Variants in MUSK observed in about 807,000 individuals in gnomAD.
MUSK encodes muscle, skeletal receptor tyrosine-protein kinase.
In MUSK, 55 loss-of-function variants were observed where a neutral mutation model predicts 88.7. The observed-to-expected ratio is 0.62, with a 90% CI of 0.50 to 0.78. The LOEUF (loss-of-function observed/expected upper bound fraction) is 0.78. Ranked by LOEUF, MUSK falls within the 30% of genes least tolerant of loss-of-function variation. The probability of loss-of-function intolerance (pLI) is 0.00; values close to 1 mark genes in which losing one functional copy is unlikely to be tolerated. For missense variants in MUSK, 1,015 were observed against 1,074.3 expected (o/e 0.94, Z 0.77); for synonymous variants, 387 against 391.9 (o/e 0.99, Z 0.15).
chr9:110,752,727 T>C (rs777156597), intron 7 of MUSK, among the ~76,000 whole-genome samples: 2 of 152,256 alleles, frequency 1.3e-5, no homozygotes, highest in Non-Finnish European at 2.9e-5. Context: ...TGCTTAGGAT[T>C]ATGTCTAATG....
intron 8 of MUSK, 49 bp downstream of exon 8, chr9:110,762,257 G>A (rs761800668): frequency 3.7e-6 from 5 of 1,353,442 alleles, no homozygotes; most frequent in Admixed American, 4.9e-5. Context: ...TGTTTTGTAG[G>A]GATTTCGTTT....
intron 11 of MUSK, among the ~76,000 whole-genome samples, chr9:110,780,399 G>C (rs771514254): frequency 7.2e-5 from 11 of 152,110 alleles, no homozygotes; most frequent in Non-Finnish European, 1.5e-4. Context: ...TCTCTTTGCA[G>C]AGTGATTCTC....
At chr9:110,789,065 T>C (rs537145245) in intron 14 of MUSK, among the ~76,000 whole-genome samples, 20 of 152,314 alleles carry the variant, frequency 1.3e-4, no homozygotes, top group East Asian at 3.9e-4. Flanking sequence ...ATTAAAAACA[T>C]TGGCTTTTAA....
chr9:110,731,683 C>T (rs1370674489), intron 5 of MUSK, among the ~76,000 whole-genome samples: 2 of 152,028 alleles, frequency 1.3e-5, no homozygotes, highest in African/African-American at 4.8e-5. Context: ...CATGAAGCTA[C>T]CTATAATGTC....
At chr9:110,781,377 C>T (rs919055946) in intron 11 of MUSK, among the ~76,000 whole-genome samples, 19 of 152,054 alleles carry the variant, frequency 1.2e-4, no homozygotes, top group Non-Finnish European at 2.4e-4. Flanking sequence ...CCCGGGTTCA[C>T]GCCATCCTCT....
chr9:110,783,595 A>C (rs928013293), intron 11 of MUSK, among the ~76,000 whole-genome samples: 12 of 151,964 alleles, frequency 7.9e-5, no homozygotes, highest in Admixed American at 6.6e-5. Flanking sequence ...AATTCCATTG[A>C]TTAGACTACT....
Position 110,775,952 on chromosome 9 carries a change from T to TGCCA in MUSK, c.1350_1353dup (p.His452AlafsTer6). 1 of 1,612,154 alleles carries TGCCA rather than the reference T, an allele frequency of 6.2e-7. No homozygotes were observed. The highest frequency in any genetic ancestry group is 8.5e-7 in the Non-Finnish European group (1 of 1,178,820). ...TGGGACCCCACGGCCTGTGCCAGACTGCCACATCTAGGTAACACAGAGTTC... is the reference window on the plus strand; with the variant it reads ...TGGGACCCCACGGCCTGTGCCAGACTGCCAGCCACATCTAGGTAACACAGAGTTC... On this transcript the variant is annotated frameshift_variant, in exon 10 of 15. Transcript: ENST00000374448. LOFTEE classifies it high-confidence loss of function.
chr9:110,679,458 GTTTTA>G (rs533220192), intron 1 of MUSK, among the ~76,000 whole-genome samples: 233 of 151,572 alleles, frequency 1.5e-3, no homozygotes, highest in Admixed American at 4.4e-3. Context: ...TAACATTTCT[GTTTTA>G]TTTTATTTAA....
At position 110,783,137 on chromosome 9, in the gene MUSK, T is replaced by G. The variant is rs371053562; in HGVS notation, c.1385-1678T>G. On this transcript the variant is annotated intron_variant, in intron 11 of 14. Coordinates refer to ENST00000374448, the MANE Select transcript of MUSK (RefSeq NM_005592.4). ...GACTTTGTAATATGTTATATTAATA[T>G]GTCCCCTTCTATTAAATCATTATTC... Among the ~76,000 whole-genome samples, 58 of 152,354 alleles carry G rather than the reference T, an allele frequency of 3.8e-4. No individual in the cohort carries two copies. In the East Asian group the frequency reaches 7.9e-3, roughly 21 times the overall value.
At chr9:110,725,744 A>G (rs535278922) in intron 5 of MUSK, among the ~76,000 whole-genome samples, 1 of 152,170 alleles carries the variant, frequency 6.6e-6, no homozygotes, top group African/African-American at 2.4e-5. Context: ...GTTTAATTCT[A>G]GCCCTAACCT....
At chr9:110,720,095 C>T (rs1015737949) in intron 5 of MUSK, among the ~76,000 whole-genome samples, 1 of 151,882 alleles carries the variant, frequency 6.6e-6, no homozygotes, top group Non-Finnish European at 1.5e-5. Flanking sequence ...TGGGATACAG[C>T]AAAAACGGTA....
At chr9:110,698,251 G>C (rs565389576) in intron 5 of MUSK, among the ~76,000 whole-genome samples, 1 of 152,314 alleles carries the variant, frequency 6.6e-6, no homozygotes, top group South Asian at 2.1e-4. Context: ...TTTCTCACCT[G>C]TTAAGTGGGG....
chr9:110,703,713 C>A (rs2076560512), intron 5 of MUSK, among the ~76,000 whole-genome samples: 2 of 151,634 alleles, frequency 1.3e-5, no homozygotes, highest in Non-Finnish European at 2.9e-5. Flanking sequence ...GAATTCAGTG[C>A]AGAAAGATTT....
chr9:110,780,751 T>C (rs1165100911), intron 11 of MUSK, among the ~76,000 whole-genome samples: 1 of 152,188 alleles, frequency 6.6e-6, no homozygotes, highest in Non-Finnish European at 1.5e-5. Context: ...AATTTATTCT[T>C]TCTATCTAGG....
At chr9:110,682,640 G>C in intron 1 of MUSK, 34 bp from the exon 2 acceptor site, 1 of 1,604,628 alleles carries the variant, frequency 6.2e-7, no homozygotes. Context: ...CAAAATTCTA[G>C]AATGTTCTCT....
intron 3 of MUSK, among the ~76,000 whole-genome samples, chr9:110,688,191 G>A (rs1159645849): frequency 6.6e-6 from 1 of 151,796 alleles, no homozygotes; most frequent in East Asian, 1.9e-4. Flanking sequence ...GCTCTTCTAG[G>A]CACTTCCCCA....
intron 5 of MUSK, chr9:110,728,745 C>T: frequency 1.3e-6 from 2 of 1,553,474 alleles, no homozygotes; most frequent in Non-Finnish European, 1.7e-6. Flanking sequence ...TGCATGGCTT[C>T]TTTTTAATTG....
intron 4 of MUSK, among the ~76,000 whole-genome samples, chr9:110,696,514 T>C (rs767748518): frequency 4.6e-5 from 7 of 152,184 alleles, no homozygotes; most frequent in Non-Finnish European, 8.8e-5. Flanking sequence ...CAGCTTTGCT[T>C]TATTTAAAAT....
At chr9:110,782,759 A>G (rs985732374) in intron 11 of MUSK, among the ~76,000 whole-genome samples, 6 of 152,172 alleles carry the variant, frequency 3.9e-5, no homozygotes, top group African/African-American at 9.7e-5. Context: ...ACTCAGTCCA[A>G]AGAGAATCAG....
Sources: allele counts gnomAD v4.1 joint callset (sites outside exome capture counted in the v4.1 genomes callset), GRCh38; gene constraint gnomAD v4.1.1; transcripts MANE v1.5; gene names NCBI Gene and HGNC (gene_info 2026-07-23, HGNC 2026-07-21).